RPS6KC1: variants seen among roughly 807,000 people sequenced by gnomAD.
RPS6KC1 encodes ribosomal protein S6 kinase C1, also known as inactive ribosomal protein S6 kinase delta-1.
Under a neutral mutation model 103.8 loss-of-function variants are expected in RPS6KC1, and 54 were observed. That is an observed-to-expected ratio of 0.52 (90% CI 0.42 to 0.65). The LOEUF is 0.65. Among genes scored for constraint, RPS6KC1 ranks in the 30% least tolerant of loss-of-function variants. RPS6KC1 has a pLI of 0.00. For missense variants in RPS6KC1, 1,151 were observed against 1,253.8 expected (o/e 0.92, Z 1.24); for synonymous variants, 439 against 438.7 (o/e 1.00, Z -0.01).
At chr1:213,265,435 G>T (rs115997549) in intron 14 of RPS6KC1, among the ~76,000 whole-genome samples, 4 of 152,156 alleles carry the variant, frequency 2.6e-5, no homozygotes, top group African/African-American at 9.7e-5. Context: ...GAACTTACAT[G>T]TTTATGTGTT....
At chr1:213,554,444 G>A in the RPS6KC1 span, among the ~76,000 whole-genome samples, 1 of 152,126 alleles carries the variant, frequency 6.6e-6, no homozygotes, top group African/African-American at 2.4e-5. Flanking sequence ...AGCCTTGAAT[G>A]CAGGTAGTGT....
the RPS6KC1 span, among the ~76,000 whole-genome samples, chr1:213,567,806 A>T: frequency 6.6e-6 from 1 of 152,244 alleles, no homozygotes; most frequent in Non-Finnish European, 1.5e-5. Context: ...CAACATTTGA[A>T]TGATTCCAAT....
chr1:213,693,926 C>A, the RPS6KC1 span, among the ~76,000 whole-genome samples: 1 of 152,320 alleles, frequency 6.6e-6, no homozygotes, highest in East Asian at 1.9e-4. Context: ...CAATTCCTGC[C>A]CCCGATCTGG....
chr1:213,152,223 C>T (rs1477337960), intron 6 of RPS6KC1, among the ~76,000 whole-genome samples: 7 of 140,698 alleles, frequency 5.0e-5, no homozygotes, highest in Admixed American at 2.1e-4. Flanking sequence ...GCTGGCCGGG[C>T]GGGGGGCTGA....
the RPS6KC1 span, among the ~76,000 whole-genome samples, chr1:213,591,857 TG>T: frequency 6.6e-5 from 10 of 152,158 alleles, no homozygotes. Flanking sequence ...ACACCTTTCC[TG>T]AGTTGGGACA....
chr1:213,289,931 C>T, the RPS6KC1 span, among the ~76,000 whole-genome samples: 19 of 151,956 alleles, frequency 1.3e-4, no homozygotes, highest in East Asian at 1.6e-3. Flanking sequence ...CCCAGCTACT[C>T]GGGAGGCTGA....
intron 10 of RPS6KC1, among the ~76,000 whole-genome samples, chr1:213,235,315 A>G (rs2094198392): frequency 1.3e-5 from 2 of 152,248 alleles, no homozygotes; most frequent in African/African-American, 4.8e-5. Flanking sequence ...TGAACAAAAC[A>G]GAAGACTTTG....
the RPS6KC1 span, among the ~76,000 whole-genome samples, chr1:213,662,100 T>C: frequency 6.6e-6 from 1 of 152,180 alleles, no homozygotes; most frequent in East Asian, 1.9e-4. Context: ...TTCCCGGAAC[T>C]TCTTTTTATG....
At chr1:213,551,378 G>A in the RPS6KC1 span, among the ~76,000 whole-genome samples, 1 of 152,114 alleles carries the variant, frequency 6.6e-6, no homozygotes, top group Non-Finnish European at 1.5e-5. Flanking sequence ...AAGTAAAGGA[G>A]CCCTCCACGG....
chr1:213,328,069 T>C, the RPS6KC1 span, among the ~76,000 whole-genome samples: 1 of 152,220 alleles, frequency 6.6e-6, no homozygotes, highest in Non-Finnish European at 1.5e-5. Flanking sequence ...TTTACATGTA[T>C]GGTAGCTGTC....
chr1:213,823,440 C>T, the RPS6KC1 span, among the ~76,000 whole-genome samples: 1 of 152,174 alleles, frequency 6.6e-6, no homozygotes, highest in East Asian at 1.9e-4. Flanking sequence ...AGGCCCCCAG[C>T]TCTGTATCCT....
At chr1:213,098,207 T>C (rs2081646620) in intron 3 of RPS6KC1, among the ~76,000 whole-genome samples, 1 of 152,036 alleles carries the variant, frequency 6.6e-6, no homozygotes, top group African/African-American at 2.4e-5. Context: ...TCTTGAACTT[T>C]GGGACTCAAG....
the RPS6KC1 span, among the ~76,000 whole-genome samples, chr1:213,709,124 G>T: frequency 6.6e-6 from 1 of 152,204 alleles, no homozygotes; most frequent in African/African-American, 2.4e-5. Context: ...TAGGAGGAAT[G>T]ATACCAGCTC....
chr1:213,817,669 C>T, the RPS6KC1 span: 3 of 152,216 alleles, frequency 2.0e-5, no homozygotes, highest in Non-Finnish European at 4.4e-5. Flanking sequence ...CAGAGTTCTA[C>T]CATTTACTAG....
chr1:213,700,040 G>T, the RPS6KC1 span, among the ~76,000 whole-genome samples: 1 of 151,866 alleles, frequency 6.6e-6, no homozygotes, highest in Admixed American at 6.6e-5. Context: ...CTGTGTGGAA[G>T]CTTTTTAGCT....
At chr1:213,689,367 G>A in the RPS6KC1 span, among the ~76,000 whole-genome samples, 3 of 152,162 alleles carry the variant, frequency 2.0e-5, no homozygotes, top group Non-Finnish European at 2.9e-5. Context: ...CAGCCCTTAG[G>A]GCTAGCTCTG....
At chr1:213,677,230 T>C in the RPS6KC1 span, among the ~76,000 whole-genome samples, 2 of 152,180 alleles carry the variant, frequency 1.3e-5, no homozygotes, top group African/African-American at 4.8e-5. Context: ...TTATTCCCCA[T>C]TCAACTCTCA....
chr1:213,470,112 T>A, the RPS6KC1 span, among the ~76,000 whole-genome samples: 2 of 152,264 alleles, frequency 1.3e-5, no homozygotes, highest in South Asian at 4.1e-4. Context: ...CATTCAAATT[T>A]CCCTAATTAT....
At chr1:213,678,693 T>C in the RPS6KC1 span, among the ~76,000 whole-genome samples, 1 of 152,222 alleles carries the variant, frequency 6.6e-6, no homozygotes, top group Non-Finnish European at 1.5e-5. Flanking sequence ...ATAAGTGTCT[T>C]GGGCATTTCT....
Sources: allele counts gnomAD v4.1 joint callset (sites outside exome capture counted in the v4.1 genomes callset), GRCh38; gene constraint gnomAD v4.1.1; transcripts MANE v1.5; gene names NCBI Gene and HGNC (gene_info 2026-07-23, HGNC 2026-07-21).